The following AOAH variants were observed in gnomAD, a reference collection of about 807,000 sequenced individuals.
The protein encoded by AOAH is acyloxyacyl hydrolase, also known as acyloxyacyl hydrolase (neutrophil).
Under a neutral mutation model 92.2 loss-of-function variants are expected in AOAH, and 64 were observed. That is an observed-to-expected ratio of 0.69 (90% CI 0.57 to 0.86). The LOEUF is 0.86. AOAH is among the 40% of genes least tolerant of loss of function. The pLI, the probability that AOAH is intolerant of heterozygous loss-of-function variation, is 0.00. For synonymous variants in AOAH, 263 were observed against 254.5 expected, an observed-to-expected ratio of 1.03 and a Z score of -0.32; for missense variants, 656 against 694.6, an observed-to-expected ratio of 0.94 and a Z score of 0.62.
intron 15 of AOAH, among the ~76,000 whole-genome samples, chr7:36,547,899 G>A (rs1173517640): frequency 6.6e-6 from 1 of 152,176 alleles, no homozygotes; most frequent in South Asian, 2.1e-4. Flanking sequence ...TGCAAATGCT[G>A]TAGGTCTGTG....
At chr7:36,533,020 T>G (rs1343603990) in intron 16 of AOAH, among the ~76,000 whole-genome samples, 2 of 152,194 alleles carry the variant, frequency 1.3e-5, no homozygotes. Context: ...GACACCCTTA[T>G]TTTTTAGTGC....
At chr7:36,703,891 T>C (rs1229250435) in intron 1 of AOAH, among the ~76,000 whole-genome samples, 1 of 152,192 alleles carries the variant, frequency 6.6e-6, no homozygotes, top group Non-Finnish European at 1.5e-5. Flanking sequence ...CCACACTGTC[T>C]CCCACAATGG....
chr7:36,599,505 G>T (rs904636084), intron 11 of AOAH, among the ~76,000 whole-genome samples: 3 of 152,146 alleles, frequency 2.0e-5, no homozygotes, highest in Non-Finnish European at 4.4e-5. Context: ...GACCTGAATG[G>T]ATTATTTTCA....
At chr7:36,569,382 C>G (rs895889450) in intron 13 of AOAH, among the ~76,000 whole-genome samples, 1 of 152,122 alleles carries the variant, frequency 6.6e-6, no homozygotes, top group African/African-American at 2.4e-5. Context: ...AATGCAAATT[C>G]AGACCTGGGA....
chr7:36,672,944 T>C (rs189756066), intron 3 of AOAH, among the ~76,000 whole-genome samples: 16 of 152,240 alleles, frequency 1.1e-4, no homozygotes. Context: ...ATAATAAAAC[T>C]ATAGAAAAAC....
At chr7:36,672,131 G>T (rs1030882717) in intron 3 of AOAH, among the ~76,000 whole-genome samples, 2 of 152,124 alleles carry the variant, frequency 1.3e-5, no homozygotes, top group African/African-American at 4.8e-5. Context: ...CAGCCCAGGG[G>T]TTATGAAAAA....
intron 20 of AOAH, among the ~76,000 whole-genome samples, chr7:36,519,147 C>T (rs1303208571): frequency 6.6e-6 from 1 of 152,238 alleles, no homozygotes; most frequent in Non-Finnish European, 1.5e-5. Context: ...TGCTTGAGAA[C>T]ATCCAGTGGC....
chr7:36,648,555 G>T (rs998323580), intron 4 of AOAH, among the ~76,000 whole-genome samples: 3 of 151,082 alleles, frequency 2.0e-5, no homozygotes, highest in African/African-American at 7.3e-5. Context: ...TTACTAGTCA[G>T]ATGTATTAGT....
chr7:36,556,279 T>C (rs914911195), intron 13 of AOAH, among the ~76,000 whole-genome samples: 1 of 152,202 alleles, frequency 6.6e-6, no homozygotes, highest in East Asian at 1.9e-4. Flanking sequence ...TCAGTTTCCA[T>C]GTAGTTGAGC....
chr7:36,586,029 G>T (rs1407959486), intron 12 of AOAH, among the ~76,000 whole-genome samples: 2 of 152,108 alleles, frequency 1.3e-5, no homozygotes, highest in African/African-American at 2.4e-5. Flanking sequence ...AGGATCCATG[G>T]TGTCTACAGA....
chr7:36,631,484 C>A (rs1324012006), intron 6 of AOAH, among the ~76,000 whole-genome samples: 1 of 152,170 alleles, frequency 6.6e-6, no homozygotes, highest in Non-Finnish European at 1.5e-5. Flanking sequence ...TCTAGCATAA[C>A]CCCAGACTCA....
Position 36,565,701 on chromosome 7 carries a change from T to A in AOAH, c.1021+10873A>T, listed in dbSNP as rs931289187. Among the ~76,000 whole-genome samples the A allele has an allele frequency of 4.0e-5, 6 of 148,592 alleles. No homozygotes were observed. The South Asian group carries it at 6.3e-4, about 16-fold the overall frequency. ...GTGTGTGCCACCACAACTGGCTGATTTTTTTTTTTTATTTAAATTTTTAGT... is the reference window on the plus strand; with the variant it reads ...GTGTGTGCCACCACAACTGGCTGATATTTTTTTTTTATTTAAATTTTTAGT... On this transcript the variant is annotated intron_variant, in intron 13 of 20. Coordinates refer to ENST00000617537, the MANE Select transcript of AOAH (RefSeq NM_001637.4).
chr7:36,516,793 C>G lies in AOAH; in HGVS notation c.1600-3413G>C, dbSNP rs1783744089. On this transcript the variant is annotated intron_variant, in intron 20 of 20. Coordinates refer to ENST00000617537, the MANE Select transcript of AOAH (RefSeq NM_001637.4). The surrounding 1 kb of genome is among the most constrained non-coding windows in gnomAD (Gnocchi z 5.0). ...TATGTGGTACCAAGGCATTTATTTC[C>G]CTATCTATGTTAATAAGGGAGGAGA... Among the ~76,000 whole-genome samples the G allele has an allele frequency of 6.6e-6, 1 of 152,076 alleles. No homozygotes were observed. The highest frequency in any genetic ancestry group is 1.5e-5 in the Non-Finnish European group (1 of 68,020).
intron 1 of AOAH, among the ~76,000 whole-genome samples, chr7:36,687,124 C>T (rs756888147): frequency 2.6e-5 from 4 of 152,022 alleles, no homozygotes; most frequent in Non-Finnish European, 4.4e-5. Context: ...TTTGGAAAAG[C>T]GGTGGAAATT....
chr7:36,658,638 G>A (rs77622792), intron 4 of AOAH, among the ~76,000 whole-genome samples: 2,663 of 152,254 alleles, frequency 0.017, 85 homozygotes, highest in African/African-American at 0.061. Flanking sequence ...AACTGTATCA[G>A]TTATTGTGCT....
chr7:36,524,691 A>AAAAG (rs769678247), intron 19 of AOAH, among the ~76,000 whole-genome samples: 1 of 151,762 alleles, frequency 6.6e-6, no homozygotes, highest in Non-Finnish European at 1.5e-5. Flanking sequence ...TAAGTAAATT[A>AAAAG]AAAGATAAAT....
intron 13 of AOAH, among the ~76,000 whole-genome samples, chr7:36,564,635 T>A (rs2116511929): frequency 6.6e-6 from 1 of 152,372 alleles, no homozygotes; most frequent in East Asian, 1.9e-4. Context: ...AAAAGACATC[T>A]GTTTAAAGGA....
intron 12 of AOAH, among the ~76,000 whole-genome samples, chr7:36,580,326 T>C (rs1788844881): frequency 1.3e-5 from 2 of 152,206 alleles, no homozygotes; most frequent in African/African-American, 4.8e-5. Flanking sequence ...TTTTTTAATC[T>C]TTCTATGAAT....
intron 16 of AOAH, among the ~76,000 whole-genome samples, chr7:36,535,302 C>T (rs1054436102): frequency 1.3e-5 from 2 of 152,110 alleles, no homozygotes; most frequent in African/African-American, 4.8e-5. Flanking sequence ...TCTTCATAAT[C>T]TGTAACTTCT....
Sources: allele counts gnomAD v4.1 joint callset (sites outside exome capture counted in the v4.1 genomes callset), GRCh38; gene constraint gnomAD v4.1.1; non-coding constraint Gnocchi (gnomAD v3.1); transcripts MANE v1.5; gene names NCBI Gene and HGNC (gene_info 2026-07-23, HGNC 2026-07-21).